RAG1: variants seen among roughly 807,000 people sequenced by gnomAD.
RAG1 encodes recombination activating 1, also known as V(D)J recombination-activating protein 1.
Under a neutral mutation model 62.7 loss-of-function variants are expected in RAG1, and 35 were observed. The ratio of observed to expected loss-of-function variants is 0.56; its 90% CI spans 0.43 to 0.74. The LOEUF (loss-of-function observed/expected upper bound fraction) is 0.74. RAG1 is among the 30% of genes least tolerant of loss of function. The pLI is 0.00. For missense variants in RAG1, 1,169 were observed against 1,278.6 expected (o/e 0.91, Z 1.31); for synonymous variants, 461 against 470.3 (o/e 0.98, Z 0.26).
chr11:36,521,358 C>T (rs867555711), intron 2 of RAG1, among the ~76,000 whole-genome samples: 19 of 152,262 alleles, frequency 1.2e-4, no homozygotes, highest in Middle Eastern at 3.4e-3. Context: ...GTGCTGTTCT[C>T]ATGATAGTGA....
At chr11:36,564,094 A>G (rs1850628174), upstream of RAG1, among the ~76,000 whole-genome samples, 1 of 152,228 alleles carries the variant, frequency 6.6e-6, no homozygotes, top group Non-Finnish European at 1.5e-5. Context: ...ATATTTAGCA[A>G]TCTTATACAC....
intron 3 of RAG1, among the ~76,000 whole-genome samples, chr11:36,551,137 T>C (rs1850475739): frequency 1.3e-5 from 2 of 152,260 alleles, no homozygotes; most frequent in East Asian, 1.9e-4. Flanking sequence ...AAGGATTTAG[T>C]TGGATGATTA....
intron 3 of RAG1, among the ~76,000 whole-genome samples, chr11:36,560,709 T>G (rs531406122): frequency 6.6e-6 from 1 of 152,090 alleles, no homozygotes; most frequent in Non-Finnish European, 1.5e-5. Flanking sequence ...GTGGGGGTCT[T>G]TTGTACCTAG....
chr11:36,549,825 T>C (rs909785649), intron 3 of RAG1, among the ~76,000 whole-genome samples: 4 of 152,304 alleles, frequency 2.6e-5, no homozygotes, highest in Admixed American at 6.5e-5. Context: ...TGTATGTTTA[T>C]TGCAGCACTG....
At position 36,575,122 on chromosome 11, in the gene RAG1, AG is replaced by A; in HGVS notation, c.1819del (p.Asp607ThrfsTer2). 1 of 1,614,156 alleles carries A rather than the reference AG, an allele frequency of 6.2e-7. No homozygotes were observed. The highest frequency in any genetic ancestry group is 1.1e-5 in the South Asian group (1 of 91,074). On this transcript the variant is annotated frameshift_variant, in exon 2 of 2. Coordinates refer to ENST00000299440, the MANE Select transcript of RAG1 (RefSeq NM_000448.3). LOFTEE classifies it high-confidence loss of function. This position sits in a 1 kb window ranked among gnomAD's most constrained non-coding sequence, Gnocchi z 4.1. ...VVKESCDGMGDVSEKHGSGPV... is the reference protein window; with the variant it reads ...VVKESCDGMGXVSEKHGSGPV... ...TGAAGGAGTCTTGTGATGGAATGGGAGACGTGAGTGAGAAGCATGGGAGTGG... is the reference window on the plus strand; with the variant it reads ...TGAAGGAGTCTTGTGATGGAATGGGAACGTGAGTGAGAAGCATGGGAGTGG...
chr11:36,549,744 C>T (rs1850454836), intron 3 of RAG1, among the ~76,000 whole-genome samples: 1 of 152,142 alleles, frequency 6.6e-6, no homozygotes, highest in South Asian at 2.1e-4. Flanking sequence ...TACCATTTGA[C>T]CCAGCAATCT....
chr11:36,546,397 A>G (rs1163441373), intron 3 of RAG1, among the ~76,000 whole-genome samples: 3 of 151,818 alleles, frequency 2.0e-5, no homozygotes, highest in African/African-American at 4.8e-5. Context: ...TAGGATTGCA[A>G]CCCCTGCTTT....
Position 36,576,799 on chromosome 11 carries a change from T to C in RAG1, c.*363T>C, listed in dbSNP as rs1850859738. On this transcript the variant is annotated 3_prime_UTR_variant, in exon 2 of 2. Transcript: ENST00000299440. ...CAGCCAGTGAGGCCAGGAAAGAAAT[T>C]GGTCTTGTGGTTTTCATTTTTTTCC... 1 of 251,704 alleles carries C rather than the reference T, an allele frequency of 4.0e-6. No individual in the cohort carries two copies. 15.6% of individuals were successfully genotyped at this position (251,704 alleles called of 1,614,324 possible). A position where few individuals can be genotyped will look rare whatever the true frequency, so the allele number is the denominator to read the frequency against.
chr11:36,538,687 T>G (rs1860369044), downstream of RAG1, among the ~76,000 whole-genome samples: 1 of 152,204 alleles, frequency 6.6e-6, no homozygotes, highest in Admixed American at 6.5e-5. Context: ...TCTGGCTGAT[T>G]TCTTGGTTAG....
chr11:36,572,800 G>A (rs1347722171), intron 1 of RAG1, among the ~76,000 whole-genome samples: 1 of 152,162 alleles, frequency 6.6e-6, no homozygotes, highest in East Asian at 1.9e-4. Flanking sequence ...CCATTTGGAA[G>A]AAATAAACAA....
intron 2 of RAG1, among the ~76,000 whole-genome samples, chr11:36,522,630 C>T (rs1339400006): frequency 6.6e-6 from 1 of 152,174 alleles, no homozygotes; most frequent in Admixed American, 6.5e-5. Context: ...AGAAGAGGGC[C>T]ACCATCCTCC....
intron 2 of RAG1, among the ~76,000 whole-genome samples, chr11:36,534,483 G>A (rs1452451392): frequency 6.6e-6 from 1 of 152,152 alleles, no homozygotes; most frequent in South Asian, 2.1e-4. Flanking sequence ...CCAGTGAAAC[G>A]TGAGCAGAAG....
At chr11:36,537,121 T>C (rs1409771079), downstream of RAG1, among the ~76,000 whole-genome samples, 1 of 152,020 alleles carries the variant, frequency 6.6e-6, no homozygotes, top group Non-Finnish European at 1.5e-5. Context: ...CAGAAATCAT[T>C]TTCCTAACTT....
upstream of RAG1, chr11:36,565,819 C>T (rs906840529): frequency 6.6e-6 from 1 of 152,146 alleles, no homozygotes; most frequent in East Asian, 1.9e-4. Context: ...AGACAAGTGA[C>T]TTGATTTCAA....
In RAG1 at chr11:36,577,748, T is replaced by C. The variant is rs1850873864; in HGVS notation, c.*1312T>C. 6.0e-6 allele frequency: 1 copy of C among 167,094 alleles called. No individual in the cohort carries two copies. Among genetic ancestry groups the C allele is most frequent in the Non-Finnish European group, 1.5e-5 (1 of 68,122 alleles). The allele number at this position is 167,094 out of a possible 1,614,324, so 10.4% of individuals were successfully genotyped here. On this transcript the variant is annotated 3_prime_UTR_variant, in exon 2 of 2. Transcript: ENST00000299440. ...TACTTGGCTTGGAAATTTAACACAG[T>C]CCTTTTGTCTCCAAAGCCCTTCTTC...
intron 2 of RAG1, among the ~76,000 whole-genome samples, chr11:36,520,960 C>CTTT (rs36066366): frequency 7.5e-5 from 10 of 133,660 alleles, no homozygotes; most frequent in African/African-American, 8.3e-5. Context: ...CAAATCTCAT[C>CTTT]TTTTTTTTTT....
At chr11:36,532,395 C>T (rs1860269974) in intron 2 of RAG1, among the ~76,000 whole-genome samples, 1 of 151,734 alleles carries the variant, frequency 6.6e-6, no homozygotes, top group Middle Eastern at 3.2e-3. Context: ...AAAATGGTAC[C>T]ACATTAGTAT....
intron 1 of RAG1, among the ~76,000 whole-genome samples, chr11:36,512,192 T>C (rs1859934841): frequency 6.6e-6 from 1 of 152,178 alleles, no homozygotes; most frequent in Non-Finnish European, 1.5e-5. Context: ...TTCTGGCCTG[T>C]GAGCTATGAC....
intron 3 of RAG1, among the ~76,000 whole-genome samples, chr11:36,543,633 T>C (rs1850348182): frequency 6.6e-6 from 1 of 152,334 alleles, no homozygotes; most frequent in East Asian, 1.9e-4. Flanking sequence ...CTTCCATCTC[T>C]CCTTCTAACC....
Sources: allele counts gnomAD v4.1 joint callset (sites outside exome capture counted in the v4.1 genomes callset), GRCh38; gene constraint gnomAD v4.1.1; non-coding constraint Gnocchi (gnomAD v3.1); transcripts MANE v1.5; gene names NCBI Gene and HGNC (gene_info 2026-07-23, HGNC 2026-07-21).